Variants in MEIOB observed in about 807,000 individuals in gnomAD.
The protein encoded by MEIOB is meiosis specific with OB-fold.
A neutral mutation model predicts 53.1 loss-of-function variants in MEIOB; 50 were observed. That is an observed-to-expected ratio of 0.94 (90% CI 0.75 to 1.19). The LOEUF (loss-of-function observed/expected upper bound fraction) is 1.19. Ranked by LOEUF, MEIOB falls within the 50% of genes most tolerant of loss-of-function variation. The pLI is 0.00. For missense variants in MEIOB, 551 were observed against 550.8 expected, an observed-to-expected ratio of 1.00 and a Z score of 0.00; for synonymous variants, 192 against 182.5, an observed-to-expected ratio of 1.05 and a Z score of -0.42.
chr16:1,861,617 G>A (rs747558092), intron 4 of MEIOB, among the ~76,000 whole-genome samples: 6 of 140,520 alleles, frequency 4.3e-5, no homozygotes, highest in African/African-American at 1.1e-4. Flanking sequence ...ATGTTGGCTC[G>A]CTGCAACCTC....
chr16:1,865,678 G>T, intron 3 of MEIOB, 100 bp downstream of exon 3: 1 of 842,358 alleles, frequency 1.2e-6, no homozygotes, highest in Non-Finnish European at 1.8e-6. Context: ...CTCTTAAGGA[G>T]TTAAACAGGC....
At position 1,853,049 on chromosome 16, in the gene MEIOB, T is replaced by A; in HGVS notation, c.768A>T (p.Thr256=). ...CACAAAGTTTTTTACCTGGATTAGT[T>A]GTAATAATGGTTTTTGAGATTACAG... The part of the protein sequence containing the change: ...TATVISKTII[T]TNPDIPEANI... The change falls in exon 9 of 14, where the codon ACA becomes ACT. Residue 256 remains threonine, a synonymous_variant. Transcript: ENST00000325962. 6.2e-7 allele frequency: 1 copy of A among 1,609,230 alleles called. No individual in the cohort carries two copies. The highest frequency in any genetic ancestry group is 8.5e-7 in the Non-Finnish European group (1 of 1,176,032).
At chr16:1,863,312 G>T (rs1267926416) in intron 3 of MEIOB, among the ~76,000 whole-genome samples, 1 of 151,424 alleles carries the variant, frequency 6.6e-6, no homozygotes, top group Non-Finnish European at 1.5e-5. Context: ...CTCCTGAGCA[G>T]CTGGGGCTAC....
chr16:1,861,551 T>A (rs1899444034), intron 4 of MEIOB, among the ~76,000 whole-genome samples: 1 of 147,146 alleles, frequency 6.8e-6, no homozygotes, highest in Non-Finnish European at 1.5e-5. Context: ...TTTTTTTTTT[T>A]TTTTTTTTTG....
At chr16:1,855,453 A>C (rs1036248224) in intron 6 of MEIOB, among the ~76,000 whole-genome samples, 1 of 152,128 alleles carries the variant, frequency 6.6e-6, no homozygotes, top group African/African-American at 2.4e-5. Flanking sequence ...AGAAAAAAAA[A>C]GTATGAAGAA....
intron 12 of MEIOB, 155 bp from the exon 13 acceptor site, chr16:1,838,025 C>G: frequency 7.3e-7 from 1 of 1,374,026 alleles, no homozygotes; most frequent in Non-Finnish European, 9.7e-7. Context: ...GAGACAGGGT[C>G]TCACTCTGTC....
Position 1,857,943 on chromosome 16 carries a change from AAC to A in MEIOB, c.333-15_333-14del. The A allele has an allele frequency of 6.7e-7, 1 of 1,492,942 alleles. No individual in the cohort carries two copies. The allele number at this position is 1,492,942 out of a possible 1,614,324, so 92.5% of individuals were successfully genotyped here. A position where few individuals can be genotyped will look rare whatever the true frequency, so the allele number is the denominator to read the frequency against. ...CAGTTTACAGTTGCTAAATTGCAAA[AAC>A]ACAAGAAAGTTATTTGAAAGTGATC... On this transcript the variant is annotated splice_polypyrimidine_tract_variant and intron_variant, in intron 5 of 13. Coordinates refer to ENST00000325962, the MANE Select transcript of MEIOB (RefSeq NM_001163560.3).
rs146027798 is a variant in MEIOB at position 1,871,719 on chromosome 16, T to C, written c.-10+274A>G. Among the ~76,000 whole-genome samples the C allele has an allele frequency of 4.3e-3, 635 of 147,556 alleles. 4 individuals are homozygous for C. The highest frequency in any genetic ancestry group is 0.014 in the African/African-American group (579 of 40,040). Reference sequence around the variant, plus strand: ...TTTGTATTTTTTGTAGAGATGGGGTTGCACCTGAGGTGGGCAGATCGCGAG... The same window carrying C: ...TTTGTATTTTTTGTAGAGATGGGGTCGCACCTGAGGTGGGCAGATCGCGAG... On this transcript the variant is annotated intron_variant, in intron 1 of 13. Transcript: ENST00000325962.
chr16:1,836,983 G>A (rs1479526671), intron 13 of MEIOB, among the ~76,000 whole-genome samples: 1 of 152,160 alleles, frequency 6.6e-6, no homozygotes, highest in African/African-American at 2.4e-5. Flanking sequence ...AAGCAACTAG[G>A]CTGGCTGGGT....
chr16:1,853,152 C>T lies in MEIOB; in HGVS notation c.683-18G>A. 1 of 1,596,434 alleles carries T rather than the reference C, an allele frequency of 6.3e-7. No individual in the cohort carries two copies. The highest frequency in any genetic ancestry group is 8.6e-7 in the Non-Finnish European group (1 of 1,167,400). On this transcript the variant is annotated intron_variant, in intron 8 of 13. Coordinates refer to ENST00000325962, the MANE Select transcript of MEIOB (RefSeq NM_001163560.3). Reference sequence around the variant, plus strand: ...AAATATTACTGTTTGGGAAAAAAGCCATTTAAAATTATTACATGGGAGGAT... The same window carrying T: ...AAATATTACTGTTTGGGAAAAAAGCTATTTAAAATTATTACATGGGAGGAT...
At chr16:1,841,333 A>G (rs1023070018) in intron 11 of MEIOB, among the ~76,000 whole-genome samples, 2 of 151,968 alleles carry the variant, frequency 1.3e-5, no homozygotes, top group East Asian at 1.9e-4. Flanking sequence ...TTTACTTTCT[A>G]TGCAAGTAAA....
rs769285815 is a variant in MEIOB at position 1,844,895 on chromosome 16, C to A, written c.847G>T (p.Glu283Ter). The change falls in exon 10 of 14, where the codon GAA (glutamate) becomes TAA (stop). Residue 283 changes from glutamate to a stop codon, truncating the protein, a stop_gained. Transcript: ENST00000325962. LOFTEE classifies it high-confidence loss of function. ...ENKETNVLDD[E>*]IDSYFKESIN... ...GATTCTTTGAAATAACTGTCAATTTCATCATCCAGAACATTCGTTTCTTTA... is the reference window on the plus strand; with the variant it reads ...GATTCTTTGAAATAACTGTCAATTTAATCATCCAGAACATTCGTTTCTTTA... The A allele has an allele frequency of 1.3e-6, 2 of 1,559,000 alleles. No homozygotes were observed. The highest frequency in any genetic ancestry group is 2.3e-5 in the East Asian group (1 of 44,148).
rs777521693 is a variant in MEIOB at position 1,844,968 on chromosome 16, A to C, written c.779-5T>G. On this transcript the variant is annotated splice_region_variant and splice_polypyrimidine_tract_variant and intron_variant, in intron 9 of 13. Transcript: ENST00000325962. ...GAATGTTAGCTTCTGGTATATCTTA[A>C]ATTGAAAATGCATAATAAGTAAAAA... The C allele has an allele frequency of 7.7e-7, 1 of 1,292,264 alleles. No homozygotes were observed. The highest frequency in any genetic ancestry group is 1.1e-6 in the Non-Finnish European group (1 of 909,636). 80.0% of individuals were successfully genotyped at this position (1,292,264 alleles called of 1,614,324 possible). A position where few individuals can be genotyped will look rare whatever the true frequency, so the allele number is the denominator to read the frequency against.
At chr16:1,851,166 A>G (rs1346217075) in intron 9 of MEIOB, among the ~76,000 whole-genome samples, 2 of 152,072 alleles carry the variant, frequency 1.3e-5, no homozygotes, top group Non-Finnish European at 2.9e-5. Context: ...AGTGCACTCT[A>G]ACAGCCTCCG....
At chr16:1,866,496 G>A (rs1899595526) in intron 2 of MEIOB, among the ~76,000 whole-genome samples, 1 of 152,124 alleles carries the variant, frequency 6.6e-6, no homozygotes, top group South Asian at 2.1e-4. Flanking sequence ...TGAGGCGGGT[G>A]GGTCACCTGA....
chr16:1,864,920 G>C (rs1164171462), intron 3 of MEIOB, among the ~76,000 whole-genome samples: 1 of 152,112 alleles, frequency 6.6e-6, no homozygotes, highest in African/African-American at 2.4e-5. Context: ...TATTTATTTA[G>C]TATTTCTGAT....
chr16:1,841,538 T>C lies in MEIOB; in HGVS notation c.1034+282A>G, dbSNP rs184324687. Among the ~76,000 whole-genome samples, 3 of 152,312 alleles carry C rather than the reference T, an allele frequency of 2.0e-5. No homozygotes were observed. The East Asian group carries it at 5.8e-4, about 29-fold the overall frequency. ...TTGCTATAGGGCCTAGCAACCAAAA[T>C]AGCTTTCTGCCAAATCATTAGACAA... is the stretch of plus-strand genomic sequence containing the variant. On this transcript the variant is annotated intron_variant, in intron 11 of 13. Transcript: ENST00000325962.
intron 11 of MEIOB, among the ~76,000 whole-genome samples, chr16:1,841,416 C>A (rs1898908342): frequency 1.3e-5 from 2 of 152,134 alleles, no homozygotes; most frequent in African/African-American, 4.8e-5. Flanking sequence ...CTGGGCTCAA[C>A]CGATCCTCCC....
intron 5 of MEIOB, among the ~76,000 whole-genome samples, chr16:1,858,666 C>T (rs150981904): frequency 1.5e-3 from 221 of 152,280 alleles, no homozygotes; most frequent in Middle Eastern, 0.014. Context: ...GGAAATAACT[C>T]AGTATGAAAG....
Sources: gnomAD v4.1 joint callset for allele counts (sites outside exome capture counted in the v4.1 genomes callset) on GRCh38, gnomAD v4.1.1 for gene constraint, MANE v1.5 for transcripts, NCBI Gene and HGNC (gene_info 2026-07-23, HGNC 2026-07-21) for gene names.